Variants in PARD3 observed in about 807,000 individuals in gnomAD.
PARD3 encodes the protein partitioning defective 3 homolog.
Under a neutral mutation model 155.4 loss-of-function variants are expected in PARD3, and 75 were observed. The observed-to-expected ratio is 0.48, with a 90% CI of 0.40 to 0.58. The LOEUF (loss-of-function observed/expected upper bound fraction) is 0.58. Ranked by LOEUF, PARD3 falls within the 20% of genes least tolerant of loss-of-function variation. The pLI is 0.00. For synonymous variants in PARD3, 576 were observed against 610.5 expected (o/e 0.94, Z 0.83); for missense variants, 1,642 against 1,721.7 (o/e 0.95, Z 0.82).
intron 8 of PARD3, 112 bp downstream of exon 8, chr10:34,384,017 T>A (rs1842107968): frequency 2.0e-6 from 2 of 1,014,152 alleles, no homozygotes; most frequent in Non-Finnish European, 2.9e-6. Flanking sequence ...CAGAAAATAT[T>A]CCTCTCCAGT....
chr10:34,407,087 A>G (rs1008007955), intron 5 of PARD3, among the ~76,000 whole-genome samples: 1 of 152,234 alleles, frequency 6.6e-6, no homozygotes, highest in African/African-American at 2.4e-5. Context: ...ACATGGAAGT[A>G]AATATCAGAG....
At chr10:34,527,638 T>C (rs946587945) in intron 2 of PARD3, among the ~76,000 whole-genome samples, 2 of 152,186 alleles carry the variant, frequency 1.3e-5, no homozygotes, top group Non-Finnish European at 2.9e-5. Context: ...TGAATGAAAG[T>C]CCAGGTGAAA....
At chr10:34,775,819 A>C (rs1323504841) in intron 1 of PARD3, among the ~76,000 whole-genome samples, 1 of 152,224 alleles carries the variant, frequency 6.6e-6, no homozygotes, top group Non-Finnish European at 1.5e-5. Flanking sequence ...ATTATTCTAG[A>C]ATTTAAAAGA....
At chr10:34,767,293 C>A (rs1378945913) in intron 1 of PARD3, among the ~76,000 whole-genome samples, 1 of 152,056 alleles carries the variant, frequency 6.6e-6, no homozygotes, top group Non-Finnish European at 1.5e-5. Flanking sequence ...AACAAGATCA[C>A]GAGATAGAGA....
chr10:34,318,870 A>G (rs1424521213), intron 19 of PARD3, among the ~76,000 whole-genome samples: 1 of 151,800 alleles, frequency 6.6e-6, no homozygotes. Context: ...GGTTCAAGCC[A>G]TTCTCCTGCC....
intron 1 of PARD3, among the ~76,000 whole-genome samples, chr10:34,715,684 T>C (rs145683751): frequency 1.3e-3 from 205 of 152,348 alleles, no homozygotes; most frequent in Non-Finnish European, 2.2e-3. Context: ...TTTATCACCA[T>C]GGTGAGTCCC....
At chr10:34,575,407 A>G (rs1376714115) in intron 2 of PARD3, among the ~76,000 whole-genome samples, 1 of 152,070 alleles carries the variant, frequency 6.6e-6, no homozygotes, top group Non-Finnish European at 1.5e-5. Context: ...GGCTTTATCT[A>G]TTTTCCTCAA....
intron 22 of PARD3, among the ~76,000 whole-genome samples, chr10:34,208,463 C>T (rs1039310202): frequency 1.3e-5 from 2 of 152,206 alleles, no homozygotes; most frequent in African/African-American, 2.4e-5. Flanking sequence ...TCTTATGAAT[C>T]CTTGCCAGGA....
At chr10:34,386,024 A>C (rs1842313632) in intron 7 of PARD3, among the ~76,000 whole-genome samples, 1 of 152,232 alleles carries the variant, frequency 6.6e-6, no homozygotes, top group South Asian at 2.1e-4. Flanking sequence ...AACTGAAATA[A>C]ATTAAACTCA....
intron 2 of PARD3, among the ~76,000 whole-genome samples, chr10:34,602,969 T>A (rs1036159073): frequency 2.6e-5 from 4 of 152,312 alleles, no homozygotes; most frequent in African/African-American, 9.6e-5. Context: ...TTATTATAGA[T>A]AGTTAACAAT....
At chr10:34,708,919 T>G (rs1455065506) in intron 1 of PARD3, among the ~76,000 whole-genome samples, 1 of 152,168 alleles carries the variant, frequency 6.6e-6, no homozygotes, top group Non-Finnish European at 1.5e-5. Context: ...ATAATAGCTT[T>G]GTGGATATTT....
chr10:34,127,739 T>C (rs1947362514), intron 23 of PARD3, among the ~76,000 whole-genome samples: 1 of 152,234 alleles, frequency 6.6e-6, no homozygotes. Context: ...ACTGTGTGCA[T>C]GTGTGTTAAC....
chr10:34,326,674 T>C (rs1048188989), intron 19 of PARD3, among the ~76,000 whole-genome samples: 2 of 152,202 alleles, frequency 1.3e-5, no homozygotes, highest in Non-Finnish European at 2.9e-5. Flanking sequence ...TCATAGCTAA[T>C]AAAACAATAA....
At chr10:34,221,007 A>G (rs1370836524) in intron 22 of PARD3, among the ~76,000 whole-genome samples, 1 of 152,208 alleles carries the variant, frequency 6.6e-6, no homozygotes, top group Non-Finnish European at 1.5e-5. Flanking sequence ...GGCTCCCAAA[A>G]GCAGTGCCAT....
At chr10:34,356,108 A>C (rs1221611356) in intron 14 of PARD3, among the ~76,000 whole-genome samples, 3 of 152,132 alleles carry the variant, frequency 2.0e-5, no homozygotes, top group Non-Finnish European at 2.9e-5. Context: ...AGAATGACAT[A>C]GTGCCTGCAG....
intron 3 of PARD3, among the ~76,000 whole-genome samples, chr10:34,498,729 A>G (rs2080461260): frequency 1.3e-5 from 2 of 152,204 alleles, no homozygotes; most frequent in African/African-American, 2.4e-5. Flanking sequence ...GTAAGCTAAG[A>G]TTGCACCACT....
intron 12 of PARD3, among the ~76,000 whole-genome samples, chr10:34,371,405 G>C (rs1840595687): frequency 7.1e-6 from 1 of 141,696 alleles, no homozygotes; most frequent in African/African-American, 2.6e-5. Flanking sequence ...TTTTAGAATT[G>C]TGGAATATTT....
chr10:34,295,337 C>T (rs572277479), intron 20 of PARD3, among the ~76,000 whole-genome samples: 25 of 152,296 alleles, frequency 1.6e-4, no homozygotes, highest in African/African-American at 5.8e-4. Flanking sequence ...CCACATTCTT[C>T]CTTATTTGAC....
intron 22 of PARD3, among the ~76,000 whole-genome samples, chr10:34,237,848 T>G (rs1277817509): frequency 6.6e-6 from 1 of 152,186 alleles, no homozygotes; most frequent in Non-Finnish European, 1.5e-5. Context: ...GTCTCCTGGC[T>G]TGGCTTCACA....
Sources: gnomAD v4.1 joint callset for allele counts (sites outside exome capture counted in the v4.1 genomes callset) on GRCh38, gnomAD v4.1.1 for gene constraint, MANE v1.5 for transcripts, NCBI Gene and HGNC (gene_info 2026-07-23, HGNC 2026-07-21) for gene names.